GRIA4: variants seen among roughly 807,000 people sequenced by gnomAD.
The protein encoded by GRIA4 is glutamate ionotropic receptor AMPA type subunit 4.
In GRIA4, 34 loss-of-function variants were observed where a neutral mutation model predicts 104.0. The ratio of observed to expected loss-of-function variants is 0.33; its 90% confidence interval spans 0.25 to 0.44. GRIA4 has a LOEUF of 0.44. GRIA4 is among the 20% of genes least tolerant of loss of function. The pLI, the probability that GRIA4 is intolerant of heterozygous loss-of-function variation, is 1.00. For synonymous variants in GRIA4, 386 were observed against 381.9 expected (o/e 1.01, Z -0.13); for missense variants, 750 against 1,096.5 (o/e 0.68, Z 4.46).
At chr11:105,632,306 C>A (rs1951054344) in intron 3 of GRIA4, among the ~76,000 whole-genome samples, 1 of 152,198 alleles carries the variant, frequency 6.6e-6, no homozygotes, top group Non-Finnish European at 1.5e-5. Flanking sequence ...CCCATCTCAT[C>A]TCCACATAAG....
intron 3 of GRIA4, among the ~76,000 whole-genome samples, chr11:105,751,168 G>A (rs1939973110): frequency 6.6e-6 from 1 of 152,082 alleles, no homozygotes; most frequent in African/African-American, 2.4e-5. Context: ...ATTTTTGTCA[G>A]TAGAGTGAAA....
chr11:105,634,524 G>GA lies in GRIA4; in HGVS notation c.247+22093dup, dbSNP rs1220760472. ...AAGAAAGAAAGAAAGAAGAAAGAAA[G>GA]AAAGAAAAGAAAGAAAAAGAAAAAG... On this transcript the variant is annotated intron_variant, in intron 3 of 16. Transcript: ENST00000282499. 7.0e-4 allele frequency among the ~76,000 whole-genome samples: 29 copies of GA among 41,304 alleles called. 1 individual carries two copies. Among genetic ancestry groups the GA allele is most frequent in the African/African-American group, 1.5e-3 (29 of 19,832 alleles). The allele number at this position is 41,304 out of a possible 152,430, so 27.1% of individuals were successfully genotyped here. A position where few individuals can be genotyped will look rare whatever the true frequency, so the allele number is the denominator to read the frequency against.
intron 5 of GRIA4, among the ~76,000 whole-genome samples, chr11:105,885,628 G>A (rs1946228136): frequency 2.0e-5 from 3 of 152,146 alleles, no homozygotes; most frequent in Middle Eastern, 3.2e-3. Flanking sequence ...ACCAGTGAAG[G>A]GCAACAGCCC....
chr11:105,732,340 G>A (rs540241997), intron 3 of GRIA4, among the ~76,000 whole-genome samples: 3 of 152,304 alleles, frequency 2.0e-5, no homozygotes, highest in African/African-American at 7.2e-5. Flanking sequence ...GTTGAGTGGA[G>A]GGCGTGAACC....
At chr11:105,813,575 A>T (rs1381814287) in intron 4 of GRIA4, among the ~76,000 whole-genome samples, 1 of 152,126 alleles carries the variant, frequency 6.6e-6, no homozygotes. Context: ...GAAAGCCCCT[A>T]ACCAATAAGG....
intron 11 of GRIA4, among the ~76,000 whole-genome samples, chr11:105,919,472 G>A (rs146351987): frequency 1.0e-3 from 153 of 152,196 alleles, no homozygotes; most frequent in African/African-American, 3.3e-3. Context: ...ACTTTATGCA[G>A]TGCCATCATT....
chr11:105,972,234 A>G (rs545072957), intron 15 of GRIA4, among the ~76,000 whole-genome samples: 171 of 152,344 alleles, frequency 1.1e-3, no homozygotes, highest in African/African-American at 4.0e-3. Flanking sequence ...CTTTTAAATT[A>G]AATTAAAACT....
At chr11:105,643,242 C>A (rs1319221791) in intron 3 of GRIA4, among the ~76,000 whole-genome samples, 1 of 152,158 alleles carries the variant, frequency 6.6e-6, no homozygotes. Flanking sequence ...TAGATCATAG[C>A]TCATTACAGT....
At chr11:105,637,320 C>T (rs1951232157) in intron 3 of GRIA4, among the ~76,000 whole-genome samples, 1 of 152,056 alleles carries the variant, frequency 6.6e-6, no homozygotes, top group Non-Finnish European at 1.5e-5. Context: ...ACATTATATA[C>T]AATTTTATTA....
intron 4 of GRIA4, among the ~76,000 whole-genome samples, chr11:105,758,109 T>C (rs1940417590): frequency 6.6e-6 from 1 of 152,038 alleles, no homozygotes; most frequent in African/African-American, 2.4e-5. Flanking sequence ...CTGAGCATGG[T>C]GGTGTGCACC....
chr11:105,907,537 G>A (rs1310036254), intron 9 of GRIA4, among the ~76,000 whole-genome samples: 1 of 152,126 alleles, frequency 6.6e-6, no homozygotes, highest in Non-Finnish European at 1.5e-5. Flanking sequence ...TCTGCAACAG[G>A]AAAACTGATA....
intron 3 of GRIA4, among the ~76,000 whole-genome samples, chr11:105,627,997 T>C (rs543283853): frequency 2.8e-4 from 42 of 152,054 alleles, no homozygotes; most frequent in African/African-American, 9.6e-4. Context: ...TATTACAGAG[T>C]AATAAAAACT....
intron 3 of GRIA4, among the ~76,000 whole-genome samples, chr11:105,630,520 C>T (rs530006820): frequency 9.7e-4 from 147 of 152,126 alleles, no homozygotes; most frequent in African/African-American, 3.1e-3. Context: ...GCTGAGATCA[C>T]GCCGCTGCAT....
At chr11:105,678,520 T>G (rs1952612500) in intron 3 of GRIA4, among the ~76,000 whole-genome samples, 1 of 152,110 alleles carries the variant, frequency 6.6e-6, no homozygotes, top group Non-Finnish European at 1.5e-5. Flanking sequence ...ATACATTTTT[T>G]GACACTTCAT....
At chr11:105,684,376 A>G (rs1952804644) in intron 3 of GRIA4, among the ~76,000 whole-genome samples, 1 of 151,854 alleles carries the variant, frequency 6.6e-6, no homozygotes, top group African/African-American at 2.4e-5. Flanking sequence ...TGTAATTCCA[A>G]TGTTCTGTAT....
intron 14 of GRIA4, among the ~76,000 whole-genome samples, chr11:105,953,597 G>T (rs947157344): frequency 1.3e-5 from 2 of 150,388 alleles, no homozygotes; most frequent in African/African-American, 4.9e-5. Flanking sequence ...GCATGGTTCT[G>T]GGAAAACTGT....
At chr11:105,868,590 C>G (rs1945509963) in intron 5 of GRIA4, among the ~76,000 whole-genome samples, 1 of 152,122 alleles carries the variant, frequency 6.6e-6, no homozygotes, top group African/African-American at 2.4e-5. Flanking sequence ...TCTTCAATTA[C>G]CTGGGAGGCT....
At chr11:105,888,608 C>CT (rs568742252) in intron 6 of GRIA4, among the ~76,000 whole-genome samples, 127 of 151,724 alleles carry the variant, frequency 8.4e-4, no homozygotes, top group South Asian at 2.9e-3. Context: ...TTTTATGACA[C>CT]TTTTTTTTAA....
chr11:105,737,459 T>C (rs1233195282), intron 3 of GRIA4, among the ~76,000 whole-genome samples: 3 of 152,086 alleles, frequency 2.0e-5, no homozygotes, highest in Non-Finnish European at 4.4e-5. Flanking sequence ...TGCAGGGGAC[T>C]TTAGTAAGGG....
Sources: gnomAD v4.1 joint callset for allele counts (sites outside exome capture counted in the v4.1 genomes callset) on GRCh38, gnomAD v4.1.1 for gene constraint, MANE v1.5 for transcripts, NCBI Gene and HGNC (gene_info 2026-07-23, HGNC 2026-07-21) for gene names.